ZBTB38: variants seen among roughly 807,000 people sequenced by gnomAD.
ZBTB38 encodes the protein zinc finger and BTB domain containing 38.
ZBTB38 carries 20 observed loss-of-function variants against 76.8 expected under a neutral mutation model. The ratio of observed to expected loss-of-function variants is 0.26; its 90% confidence interval spans 0.18 to 0.38. The LOEUF (loss-of-function observed/expected upper bound fraction) is 0.38, where lower values mean the gene tolerates loss of function less well. ZBTB38 is among the 10% of genes least tolerant of loss of function. ZBTB38 has a pLI of 1.00. For synonymous variants in ZBTB38, 504 were observed against 544.2 expected (o/e 0.93, Z 1.03); for missense variants, 1,082 against 1,482.3 (o/e 0.73, Z 4.43).
rs1316549479 is a variant in ZBTB38 at position 141,444,914 on chromosome 3, A to G, written c.2526A>G (p.Lys842=). The G allele has an allele frequency of 6.2e-7, 1 of 1,614,170 alleles. No individual in the cohort carries two copies. The highest frequency in any genetic ancestry group is 1.7e-5 in the Admixed American group (1 of 60,024). The change falls in exon 6 of 6, where the codon AAA becomes AAG. Residue 842 remains lysine (K), a synonymous_variant. Coordinates refer to ENST00000321464, the MANE Select transcript of ZBTB38 (RefSeq NM_001376113.1). The surrounding 1 kb of genome is among the most constrained non-coding windows in gnomAD (Gnocchi z 5.1). Reference sequence around the variant, plus strand: ...CACCCCTTTGCCAAATAACAGTGAAAATTGGAAACGAAGCCATTGTGAAAA... The same window carrying G: ...CACCCCTTTGCCAAATAACAGTGAAGATTGGAAACGAAGCCATTGTGAAAA... ...NVAPLCQITV[K]IGNEAIVKRH...
rs2081295674 is a variant in ZBTB38, at chr3:141,448,853, C to T, written c.*2877C>T. On this transcript the variant is annotated 3_prime_UTR_variant, in exon 6 of 6. Transcript: ENST00000321464. ...GGTACCTACTTACATGCTTAGGAGT[C>T]AAATGGATTATGACATTAGGAAAAA... is the stretch of plus-strand genomic sequence containing the variant. 6.6e-6 allele frequency: 1 copy of T among 152,044 alleles called. No homozygotes were observed. The highest frequency in any genetic ancestry group is 6.5e-5 in the Admixed American group (1 of 15,276). The allele number at this position is 152,044 out of a possible 1,614,324, so 9.4% of individuals were successfully genotyped here. A position where few individuals can be genotyped will look rare whatever the true frequency, so the allele number is the denominator to read the frequency against.
At chr3:141,430,089 G>T (rs1358198037) in intron 5 of ZBTB38, among the ~76,000 whole-genome samples, 1 of 152,070 alleles carries the variant, frequency 6.6e-6, no homozygotes. Context: ...TTTTGAGACA[G>T]AGTTTCGCTC....
intron 2 of ZBTB38, among the ~76,000 whole-genome samples, chr3:141,376,946 T>C (rs1945447546): frequency 6.6e-6 from 1 of 152,214 alleles, no homozygotes; most frequent in Non-Finnish European, 1.5e-5. Flanking sequence ...ATTGATTCCA[T>C]GTCCCACTTC....
At chr3:141,427,141 T>G (rs554367633) in intron 5 of ZBTB38, among the ~76,000 whole-genome samples, 3 of 152,272 alleles carry the variant, frequency 2.0e-5, no homozygotes, top group African/African-American at 7.2e-5. Context: ...AAGCTTAGTT[T>G]TGGGTGCTTT....
At chr3:141,374,615 A>G (rs1462688180) in intron 2 of ZBTB38, among the ~76,000 whole-genome samples, 1 of 152,182 alleles carries the variant, frequency 6.6e-6, no homozygotes, top group African/African-American at 2.4e-5. Flanking sequence ...ATATACAAGA[A>G]AAAAATTGGA....
intron 2 of ZBTB38, among the ~76,000 whole-genome samples, chr3:141,370,626 G>A (rs1440435406): frequency 6.6e-6 from 1 of 152,222 alleles, no homozygotes; most frequent in Non-Finnish European, 1.5e-5. Context: ...GTAACATCTG[G>A]CCATGAGGGC....
At chr3:141,383,898 G>A (rs1946566462) in intron 3 of ZBTB38, among the ~76,000 whole-genome samples, 1 of 152,204 alleles carries the variant, frequency 6.6e-6, no homozygotes. Flanking sequence ...GCCCCGAGGA[G>A]GCTGATGAGA....
At chr3:141,329,196 A>G (rs984646489) in intron 1 of ZBTB38, among the ~76,000 whole-genome samples, 6 of 152,240 alleles carry the variant, frequency 3.9e-5, no homozygotes, top group African/African-American at 1.4e-4. Flanking sequence ...ATGCTTCTTA[A>G]GCACTTAGCA....
chr3:141,437,445 T>C (rs2079058565), intron 5 of ZBTB38, among the ~76,000 whole-genome samples: 1 of 152,190 alleles, frequency 6.6e-6, no homozygotes, highest in Non-Finnish European at 1.5e-5. Flanking sequence ...TGAGCACATC[T>C]TAGTTCCCCT....
rs1258742043 is a variant in ZBTB38 at position 141,443,183 on chromosome 3, G to A, written c.795G>A (p.Lys265=). 2 of 1,614,222 alleles carry A rather than the reference G, an allele frequency of 1.2e-6. No individual in the cohort carries two copies. Among genetic ancestry groups the A allele is most frequent in the South Asian group, 1.1e-5 (1 of 91,090 alleles). The change falls in exon 6 of 6, where the codon AAG becomes AAA. Residue 265 remains lysine, a synonymous_variant. Coordinates refer to ENST00000321464, the MANE Select transcript of ZBTB38 (RefSeq NM_001376113.1). The surrounding 1 kb of genome is among the most constrained non-coding windows in gnomAD (Gnocchi z 5.6). The part of the protein sequence containing the change: ...ALAAKPKTCR[K]PKTFSIPQDS... The stretch of plus-strand genomic sequence containing the variant: ...CAGCGAAACCGAAAACATGCCGGAA[G>A]CCAAAGACATTCTCCATACCACAGG...
intron 5 of ZBTB38, among the ~76,000 whole-genome samples, chr3:141,433,316 CTTTTG>C (rs1418580964): frequency 2.7e-5 from 4 of 147,018 alleles, no homozygotes; most frequent in Admixed American, 6.7e-5. Flanking sequence ...ATTGTTTTGA[CTTTTG>C]TTTTGTTTTT....
chr3:141,355,563 C>G (rs1214902652), intron 1 of ZBTB38, among the ~76,000 whole-genome samples: 4 of 152,066 alleles, frequency 2.6e-5, no homozygotes, highest in Non-Finnish European at 2.9e-5. Flanking sequence ...ATGGAGAGCC[C>G]TACTCCGGCT....
chr3:141,324,788 C>T (rs1050425834), intron 1 of ZBTB38, among the ~76,000 whole-genome samples: 6 of 152,112 alleles, frequency 3.9e-5, no homozygotes, highest in African/African-American at 9.7e-5. Flanking sequence ...AATCATGTGA[C>T]GATAACAGTC....
chr3:141,351,086 G>A lies in ZBTB38; in HGVS notation c.-738-17535G>A, dbSNP rs528982388. ...GTGGGTTGCTAAACTATAAAGAAAAGCCAGTGAAAGATTATCACACAGGGT... is the reference window on the plus strand; with the variant it reads ...GTGGGTTGCTAAACTATAAAGAAAAACCAGTGAAAGATTATCACACAGGGT... On this transcript the variant is annotated intron_variant, in intron 1 of 7. Transcript: ENST00000509842. 2.2e-4 allele frequency among the ~76,000 whole-genome samples: 33 copies of A among 152,240 alleles called. 1 individual carries two copies. In the South Asian group the frequency reaches 6.4e-3, roughly 30 times the overall value.
rs895990420 is a variant in ZBTB38, at chr3:141,398,327, CT to C, written c.-105-5591del. On this transcript the variant is annotated intron_variant, in intron 4 of 5. Transcript: ENST00000321464. Reference sequence around the variant, plus strand: ...TTCTTGGTTTTAAAATGATTATTACCTTTTTTTTTCAAATTATAAAAGTAGT... The same window carrying C: ...TTCTTGGTTTTAAAATGATTATTACCTTTTTTTTCAAATTATAAAAGTAGT... 2.0e-5 allele frequency among the ~76,000 whole-genome samples: 3 copies of C among 151,032 alleles called. No homozygotes were observed. The East Asian group carries it at 5.8e-4, about 29-fold the overall frequency.
chr3:141,365,643 A>G (rs1244440620), upstream of ZBTB38, among the ~76,000 whole-genome samples: 5 of 152,248 alleles, frequency 3.3e-5, no homozygotes, highest in Non-Finnish European at 7.3e-5. Context: ...CATATATTGT[A>G]TGATTCCATT....
rs1336209894 is a variant in ZBTB38 at position 141,442,780 on chromosome 3, C to T, written c.392C>T (p.Pro131Leu). ...DLTDRNFSNSPGPYVFCITEK... is the reference protein window; with the variant it reads ...DLTDRNFSNSLGPYVFCITEK... ...ACTGATCGCAACTTCTCAAATTCCC[C>T]GGGTCCCTATGTATTCTGTATTACT... Residue 131 changes from proline (P) to leucine (L), a missense_variant, in exon 6 of 6, where the codon CCG becomes CTG. This residue lies in a region of ZBTB38 where 34 missense variants were observed against 40.4 expected (regional missense o/e 0.84). Transcript: ENST00000321464. This position sits in a 1 kb window ranked among gnomAD's most constrained non-coding sequence, Gnocchi z 6.4. The T allele has an allele frequency of 3.1e-6, 5 of 1,613,998 alleles. No homozygotes were observed. Among genetic ancestry groups the T allele is most frequent in the East Asian group, 2.2e-5 (1 of 44,878 alleles).
chr3:141,374,708 T>C (rs1945111883), intron 2 of ZBTB38, among the ~76,000 whole-genome samples: 1 of 152,218 alleles, frequency 6.6e-6, no homozygotes, highest in African/African-American at 2.4e-5. Flanking sequence ...GTTGTAAACA[T>C]TTTACCAAAT....
chr3:141,442,302 C>G lies in ZBTB38; in HGVS notation c.1-87C>G, dbSNP rs2080456752. The G allele has an allele frequency of 9.1e-6, 9 of 992,352 alleles. No individual in the cohort carries two copies. In the South Asian group the frequency reaches 1.3e-4, roughly 15 times the overall value. 61.5% of individuals were successfully genotyped at this position (992,352 alleles called of 1,614,324 possible). A position where few individuals can be genotyped will look rare whatever the true frequency, so the allele number is the denominator to read the frequency against. ...AAACCTGAAGTTTCATACAAAAGAA[C>G]AGTTTTTCACAGAAGTGGAAAATAG... On this transcript the variant is annotated intron_variant, in intron 5 of 5. Transcript: ENST00000321464. The surrounding 1 kb of genome is among the most constrained non-coding windows in gnomAD (Gnocchi z 6.4).
Sources: allele counts gnomAD v4.1 joint callset (sites outside exome capture counted in the v4.1 genomes callset), GRCh38; gene constraint gnomAD v4.1.1; regional missense constraint gnomAD v4.1.1; non-coding constraint Gnocchi (gnomAD v3.1); transcripts MANE v1.5; gene names NCBI Gene and HGNC (gene_info 2026-07-23, HGNC 2026-07-21).